Variants in CARS2 observed in about 807,000 individuals in gnomAD.
CARS2 encodes the protein cysteinyl-tRNA synthetase 2, mitochondrial, also known as probable cysteine--tRNA ligase, mitochondrial.
CARS2 carries 52 observed loss-of-function variants against 68.8 expected under a neutral mutation model. The ratio of observed to expected loss-of-function variants is 0.76; its 90% confidence interval spans 0.61 to 0.95. The LOEUF is 0.95. Among genes scored for constraint, CARS2 ranks in the 40% least tolerant of loss-of-function variants. CARS2 has a pLI of 0.00. For missense variants in CARS2, 780 were observed against 754.2 expected (o/e 1.03, Z -0.40); for synonymous variants, 314 against 303.6 (o/e 1.03, Z -0.36).
Position 110,686,656 on chromosome 13 carries a change from A to G in CARS2, c.571+1065T>C, listed in dbSNP as rs2063312613. 2.0e-5 allele frequency among the ~76,000 whole-genome samples: 3 copies of G among 147,580 alleles called. 1 individual carries two copies. In the South Asian group the frequency reaches 6.5e-4, roughly 32 times the overall value. On this transcript the variant is annotated intron_variant, in intron 5 of 14. Transcript: ENST00000257347. ...ACTGCAAACTATGCCTCCTGGGTGC[A>G]AGCAATTCTCATGCCTCAGCCTCCA...
At chr13:110,664,432 G>A (rs537324612) in intron 8 of CARS2, 30 of 288,042 alleles carry the variant, frequency 1.0e-4, no homozygotes, top group Admixed American at 1.9e-4. Context: ...TGGGAGGATC[G>A]CTTGAGCCCA....
chr13:110,662,214 C>G (rs558982293), intron 9 of CARS2, among the ~76,000 whole-genome samples: 1 of 97,700 alleles, frequency 1.0e-5, no homozygotes, highest in South Asian at 3.0e-4. Context: ...CGGACCCCCT[C>G]TGCGTCATGC....
intron 4 of CARS2, 56 bp from the exon 5 acceptor site, chr13:110,687,882 A>T: frequency 6.4e-7 from 1 of 1,561,956 alleles, no homozygotes; most frequent in Non-Finnish European, 8.8e-7. Context: ...CAGGTCAGCC[A>T]GCACCAGCTG....
intron 13 of CARS2, chr13:110,642,732 G>A: frequency 1.3e-6 from 1 of 755,584 alleles, no homozygotes; most frequent in East Asian, 2.5e-5. Flanking sequence ...CTGAGCATCT[G>A]TCGTCCAAGC....
chr13:110,669,922 T>C (rs1296057299), intron 7 of CARS2, among the ~76,000 whole-genome samples: 1 of 152,226 alleles, frequency 6.6e-6, no homozygotes, highest in Non-Finnish European at 1.5e-5. Context: ...ATCCTGCGCC[T>C]GGCTCGGAGG....
chr13:110,649,931 C>CTTTTTTTTTTTT (rs59276783), intron 10 of CARS2, among the ~76,000 whole-genome samples: 2 of 73,146 alleles, frequency 2.7e-5, no homozygotes, highest in African/African-American at 1.0e-4. Flanking sequence ...TGGATAACGA[C>CTTTTTTTTTTTT]TTTTTTTTTT....
At chr13:110,649,649 C>A (rs450514) in intron 10 of CARS2, among the ~76,000 whole-genome samples, 16,744 of 152,116 alleles carry the variant, frequency 0.11, 1,387 homozygotes, top group African/African-American at 0.22. Flanking sequence ...AAGAGAGCTA[C>A]GTAGGAGGGA....
Position 110,666,479 on chromosome 13 carries a change from TG to T in CARS2, c.919+860del, listed in dbSNP as rs886349510. ...TAATGGTAGGGGCAGAGCCGCCTGC[TG>T]GGTTCCCCGACTCAACAGGGTAAGC... On this transcript the variant is annotated intron_variant, in intron 8 of 14. Coordinates refer to ENST00000257347, the MANE Select transcript of CARS2 (RefSeq NM_024537.4). 2.9e-5 allele frequency: 29 copies of T among 985,224 alleles called. No homozygotes were observed. The African/African-American group carries it at 4.9e-4, about 17-fold the overall frequency. The allele number at this position is 985,224 out of a possible 1,614,324, so 61.0% of individuals were successfully genotyped here.
Position 110,644,703 on chromosome 13 carries a change from C to G in CARS2, c.1318-220G>C, listed in dbSNP as rs1017624143. The G allele has an allele frequency of 7.2e-6, 5 of 698,918 alleles. No individual in the cohort carries two copies. The African/African-American group carries it at 9.0e-5, about 13-fold the overall frequency. 43.3% of individuals were successfully genotyped at this position (698,918 alleles called of 1,614,324 possible). On this transcript the variant is annotated intron_variant, in intron 12 of 14. Coordinates refer to ENST00000257347, the MANE Select transcript of CARS2 (RefSeq NM_024537.4). ...ATCTCTTGTGCCTCAGTTTACCCATCAGTCATGTGGGTGGTGACTAGCTCA... is the reference window on the plus strand; with the variant it reads ...ATCTCTTGTGCCTCAGTTTACCCATGAGTCATGTGGGTGGTGACTAGCTCA...
intron 7 of CARS2, among the ~76,000 whole-genome samples, chr13:110,674,821 C>T (rs2062900461): frequency 6.6e-6 from 1 of 152,112 alleles, no homozygotes; most frequent in South Asian, 2.1e-4. Flanking sequence ...TGACAAAGGG[C>T]TAATATCCAG....
upstream of CARS2, among the ~76,000 whole-genome samples, chr13:110,708,243 G>A (rs1280206579): frequency 6.6e-6 from 1 of 152,158 alleles, no homozygotes; most frequent in South Asian, 2.1e-4. Flanking sequence ...CTTACGAAAG[G>A]GATTAATTGT....
intron 10 of CARS2, among the ~76,000 whole-genome samples, chr13:110,648,009 AG>A (rs1387297864): frequency 6.6e-6 from 1 of 152,208 alleles, no homozygotes. Context: ...GAATAAAAAG[AG>A]CCTATCTGGA....
chr13:110,645,242 A>G (rs1485631876), intron 12 of CARS2: 2 of 152,492 alleles, frequency 1.3e-5, no homozygotes, highest in Non-Finnish European at 2.9e-5. Flanking sequence ...CGGCAAGGGC[A>G]CATGGCACCC....
chr13:110,713,254 G>C (rs1026161853), exon 1 of CARS2: 1 of 1,345,522 alleles, frequency 7.4e-7, no homozygotes, highest in Admixed American at 3.3e-5. Flanking sequence ...TGTGGGGCGG[G>C]GACGAAGAGT....
chr13:110,702,283 C>T (rs111819347), intron 2 of CARS2, among the ~76,000 whole-genome samples: 4 of 152,308 alleles, frequency 2.6e-5, no homozygotes, highest in African/African-American at 9.6e-5. Flanking sequence ...CTCCCACACA[C>T]CCCCTCCCTC....
intron 1 of CARS2, chr13:110,712,551 G>A: frequency 6.4e-6 from 2 of 311,106 alleles, no homozygotes; most frequent in South Asian, 5.5e-5. Flanking sequence ...CGGCGCGCGG[G>A]GCCGGTCGCC....
intron 13 of CARS2, chr13:110,644,008 AG>A: frequency 1.2e-6 from 1 of 838,432 alleles, no homozygotes; most frequent in Non-Finnish European, 1.7e-6. Context: ...GTGCCAGGCA[AG>A]GGGGCTCAGG....
At chr13:110,708,613 C>T (rs544330494), upstream of CARS2, among the ~76,000 whole-genome samples, 1 of 151,882 alleles carries the variant, frequency 6.6e-6, no homozygotes, top group South Asian at 2.1e-4. Context: ...GTCACCCAGG[C>T]TGGAGTGCAG....
At chr13:110,677,145 C>G (rs1159985557) in intron 6 of CARS2, 42 bp from the exon 7 acceptor site, 2 of 1,554,936 alleles carry the variant, frequency 1.3e-6, no homozygotes, top group East Asian at 4.7e-5. Flanking sequence ...GAAGCTCAGT[C>G]ACCCCACCAC....
Sources: gnomAD v4.1 joint callset for allele counts (sites outside exome capture counted in the v4.1 genomes callset) on GRCh38, gnomAD v4.1.1 for gene constraint, MANE v1.5 for transcripts, NCBI Gene and HGNC (gene_info 2026-07-23, HGNC 2026-07-21) for gene names.